The following RAD17 variants were observed in gnomAD, a reference collection of about 807,000 sequenced individuals.
RAD17 encodes RAD17 checkpoint clamp loader component.
In RAD17, 31 loss-of-function variants were observed where a neutral mutation model predicts 81.5. That is an observed-to-expected ratio of 0.38 (90% CI 0.29 to 0.51). The LOEUF is 0.51. Ranked by LOEUF, RAD17 falls within the 20% of genes least tolerant of loss-of-function variation. The pLI, the probability that RAD17 is intolerant of heterozygous loss-of-function variation, is 0.88. For synonymous variants in RAD17, 261 were observed against 266.2 expected (o/e 0.98, Z 0.19); for missense variants, 681 against 781.2 (o/e 0.87, Z 1.53).
chr5:69,403,875 CA>C (rs1308925020), intron 17 of RAD17, among the ~76,000 whole-genome samples: 2 of 152,178 alleles, frequency 1.3e-5, no homozygotes, highest in African/African-American at 2.4e-5. Context: ...GAGCTGTGAT[CA>C]CCCCACTGCA....
At chr5:69,398,867 T>TCA (rs1364988204) in intron 16 of RAD17, among the ~76,000 whole-genome samples, 1 of 10,030 alleles carries the variant, frequency 1.0e-4, no homozygotes, top group African/African-American at 2.6e-4. Flanking sequence ...AATCTCCTGG[T>TCA]TAAAAAAAAA....
chr5:69,381,614 A>G (rs1383004967), intron 6 of RAD17, among the ~76,000 whole-genome samples: 3 of 152,192 alleles, frequency 2.0e-5, no homozygotes, highest in Admixed American at 1.3e-4. Flanking sequence ...TAATGCAAAA[A>G]TTGAGAAATT....
intron 6 of RAD17, among the ~76,000 whole-genome samples, chr5:69,377,470 T>TACAC (rs1763443304): frequency 1.7e-4 from 1 of 5,760 alleles, no homozygotes; most frequent in African/African-American, 2.2e-4. Context: ...TATATATATA[T>TACAC]ATATACACAC....
chr5:69,380,917 C>G (rs1207906675), intron 6 of RAD17, among the ~76,000 whole-genome samples: 3 of 151,764 alleles, frequency 2.0e-5, no homozygotes, highest in Non-Finnish European at 4.4e-5. Context: ...AGGCGCACAC[C>G]ACCATGCCCA....
intron 8 of RAD17, 21 bp downstream of exon 8, chr5:69,384,954 CTTT>C (rs375164458): frequency 2.2e-3 from 2,826 of 1,265,504 alleles, no homozygotes; most frequent in East Asian, 4.6e-3. Flanking sequence ...CTTTTAAAAT[CTTT>C]TTTTTTTTTT....
chr5:69,393,042 G>C (rs940539494), intron 13 of RAD17, 113 bp from the exon 14 acceptor site: 6 of 610,016 alleles, frequency 9.8e-6, no homozygotes, highest in Non-Finnish European at 1.4e-5. Context: ...TTTTTTAACA[G>C]TTTGTTACTA....
At chr5:69,373,072 G>A (rs528836595) in intron 4 of RAD17, among the ~76,000 whole-genome samples, 1 of 152,096 alleles carries the variant, frequency 6.6e-6, no homozygotes, top group Non-Finnish European at 1.5e-5. Context: ...AAGCTGATAC[G>A]GATTATTTGG....
Position 69,373,422 on chromosome 5 carries a change from G to A in RAD17, c.10-408G>A, listed in dbSNP as rs143490268. ...AGTTAATTTGTAAGATTTTTAGGCC[G>A]GGTATGGTGGCTTATACCTTTAATC... On this transcript the variant is annotated intron_variant, in intron 4 of 18. Coordinates refer to ENST00000354868, the MANE Select transcript of RAD17 (RefSeq NM_133338.3). Among the ~76,000 whole-genome samples the A allele has an allele frequency of 5.2e-3, 793 of 152,198 alleles. 3 individuals are homozygous for A. The Middle Eastern group carries it at 0.058, about 11-fold the overall frequency.
intron 11 of RAD17, among the ~76,000 whole-genome samples, chr5:69,386,736 T>C (rs1764235601): frequency 6.6e-6 from 1 of 152,200 alleles, no homozygotes; most frequent in Admixed American, 6.5e-5. Context: ...AAGAAAATGT[T>C]TTCTGGCATG....
At chr5:69,413,465 T>C (rs1478426145) in intron 18 of RAD17, among the ~76,000 whole-genome samples, 4 of 152,204 alleles carry the variant, frequency 2.6e-5, no homozygotes, top group African/African-American at 7.2e-5. Flanking sequence ...AGAAAAATTC[T>C]TTACTGAAGA....
At chr5:69,405,604 T>G (rs1028341920) in intron 17 of RAD17, among the ~76,000 whole-genome samples, 1 of 151,170 alleles carries the variant, frequency 6.6e-6, no homozygotes, top group Non-Finnish European at 1.5e-5. Context: ...GAGGCAGAGG[T>G]TGCAGTGAGC....
At chr5:69,372,738 A>G (rs989392717) in intron 4 of RAD17, among the ~76,000 whole-genome samples, 2 of 152,052 alleles carry the variant, frequency 1.3e-5, no homozygotes, top group East Asian at 1.9e-4. Context: ...TAGCCCCCCA[A>G]GTAGCTGGGA....
intron 17 of RAD17, among the ~76,000 whole-genome samples, chr5:69,407,231 A>G (rs1052499729): frequency 6.6e-6 from 1 of 151,936 alleles, no homozygotes; most frequent in Non-Finnish European, 1.5e-5. Context: ...TCAAACTCCT[A>G]ACCTCAGGTG....
At position 69,382,355 on chromosome 5, in the gene RAD17, G is replaced by A. The variant is rs138822362; in HGVS notation, c.508+298G>A. 3.3e-5 allele frequency among the ~76,000 whole-genome samples: 5 copies of A among 152,292 alleles called. No individual in the cohort carries two copies. In the East Asian group the frequency reaches 9.6e-4, roughly 29 times the overall value. ...TAACTACTCAAGGGCTGAGGTGTGA[G>A]GATCACTTGAGCCCATGAGTTCAAG... On this transcript the variant is annotated intron_variant, in intron 7 of 18. Coordinates refer to ENST00000354868, the MANE Select transcript of RAD17 (RefSeq NM_133338.3).
rs1022056406 is a variant in RAD17, at chr5:69,386,294, C to G, written c.813C>G (p.Ile271Met). The G allele has an allele frequency of 3.1e-6, 5 of 1,599,662 alleles. No homozygotes were observed. The highest frequency in any genetic ancestry group is 4.3e-6 in the Non-Finnish European group (5 of 1,173,030). Reference protein sequence around the residue: ...FPKEIQEECSISNISFNPVAP... With the variant: ...FPKEIQEECSMSNISFNPVAP... ...AAGAAATTCAGGAAGAGTGTTCTAT[C>G]TCAAATATTAGGTAAGAAAGAAATT... The change falls in exon 10 of 19, where the codon ATC becomes ATG. Residue 271 changes from isoleucine to methionine, a missense_variant. Transcript: ENST00000354868.
Position 69,372,241 on chromosome 5 carries a change from C to T in RAD17, c.9+24C>T, listed in dbSNP as rs374884206. On this transcript the variant is annotated intron_variant, in intron 4 of 18. Transcript: ENST00000354868. The stretch of plus-strand genomic sequence containing the variant: ...AGGTAGCTATGACTAAAATTTTTTC[C>T]AGTGGTCTTCCTTTTTTAATCCACT... 15 of 1,548,978 alleles carry T rather than the reference C, an allele frequency of 9.7e-6. No individual in the cohort carries two copies. In the African/African-American group the frequency reaches 1.8e-4, roughly 18 times the overall value.
At chr5:69,410,228 A>G (rs995022240) in intron 17 of RAD17, among the ~76,000 whole-genome samples, 1 of 152,206 alleles carries the variant, frequency 6.6e-6, no homozygotes, top group Non-Finnish European at 1.5e-5. Flanking sequence ...AGGATGCACT[A>G]TACTGTTTTC....
chr5:69,369,351 G>T (rs1030647144), upstream of RAD17: 5 of 1,202,952 alleles, frequency 4.2e-6, no homozygotes, highest in Non-Finnish European at 5.5e-6. Context: ...CGTGGCCCTC[G>T]GCCGGCCTCT....
intron 11 of RAD17, among the ~76,000 whole-genome samples, chr5:69,387,585 C>T (rs1272947324): frequency 6.6e-6 from 1 of 152,056 alleles, no homozygotes; most frequent in African/African-American, 2.4e-5. Flanking sequence ...GGGTCAGGTG[C>T]GGTGGCTCAC....
Sources: allele counts gnomAD v4.1 joint callset (sites outside exome capture counted in the v4.1 genomes callset), GRCh38; gene constraint gnomAD v4.1.1; transcripts MANE v1.5; gene names NCBI Gene and HGNC (gene_info 2026-07-23, HGNC 2026-07-21).